The following PXDN variants were observed in gnomAD, a reference collection of about 807,000 sequenced individuals.
PXDN encodes peroxidasin homolog.
PXDN carries 77 observed loss-of-function variants against 140.3 expected under a neutral mutation model. The observed-to-expected ratio is 0.55, with a 90% CI of 0.46 to 0.66. The LOEUF is 0.66. PXDN is among the 30% of genes least tolerant of loss of function. The pLI, the probability that PXDN is intolerant of heterozygous loss-of-function variation, is 0.00. For synonymous variants in PXDN, 911 were observed against 857.4 expected, an observed-to-expected ratio of 1.06 and a Z score of -1.09; for missense variants, 1,838 against 2,039.5, an observed-to-expected ratio of 0.90 and a Z score of 1.90.
chr2:1,665,506 G>A (rs1477497), intron 10 of PXDN, among the ~76,000 whole-genome samples: 3,425 of 152,290 alleles, frequency 0.022, 59 homozygotes, highest in Middle Eastern at 0.044. Flanking sequence ...TTACAGAATA[G>A]TATTGTCTGG....
At chr2:1,640,936 A>C (rs541389909) in intron 19 of PXDN, among the ~76,000 whole-genome samples, 1 of 152,278 alleles carries the variant, frequency 6.6e-6, no homozygotes, top group South Asian at 2.1e-4. Context: ...CCGTCCCTCC[A>C]GGATGGCCGT....
At chr2:1,728,184 C>T (rs146094723) in intron 1 of PXDN, among the ~76,000 whole-genome samples, 22 of 152,306 alleles carry the variant, frequency 1.4e-4, no homozygotes, top group African/African-American at 5.1e-4. Flanking sequence ...GAGATCCATC[C>T]GCCTCAGCCT....
At chr2:1,684,021 G>T in intron 5 of PXDN, 59 bp downstream of exon 5, 1 of 1,460,660 alleles carries the variant, frequency 6.8e-7, no homozygotes. Flanking sequence ...ATCTAACCAA[G>T]CCAGTGACTG....
rs968765099 is a variant in PXDN, at chr2:1,633,384, G to A, written c.*820C>T. ...GATGAAGGAGGTTTTTTCACATTTG[G>A]TTCACAACTAGGCAGTATGTGTGCA... On this transcript the variant is annotated 3_prime_UTR_variant, in exon 23 of 23. Coordinates refer to ENST00000252804, the MANE Select transcript of PXDN (RefSeq NM_012293.3). 1 of 151,884 alleles carries A rather than the reference G, an allele frequency of 6.6e-6. No individual in the cohort carries two copies. The highest frequency in any genetic ancestry group is 2.4e-5 in the African/African-American group (1 of 41,360). The allele number at this position is 151,884 out of a possible 1,614,324, so 9.4% of individuals were successfully genotyped here.
intron 3 of PXDN, among the ~76,000 whole-genome samples, chr2:1,690,265 G>A (rs934537332): frequency 2.0e-5 from 3 of 152,170 alleles, no homozygotes; most frequent in Admixed American, 6.5e-5. Context: ...CCACTGGCCT[G>A]TGCTTCTTCC....
chr2:1,678,952 C>G (rs1011460776), intron 7 of PXDN, among the ~76,000 whole-genome samples: 1 of 152,106 alleles, frequency 6.6e-6, no homozygotes, highest in Non-Finnish European at 1.5e-5. Context: ...TTCTAACTGC[C>G]CCTGACATAG....
intron 1 of PXDN, among the ~76,000 whole-genome samples, chr2:1,711,186 C>CCA (rs1558521136): frequency 4.1e-5 from 4 of 96,654 alleles, no homozygotes; most frequent in Admixed American, 1.1e-4. Flanking sequence ...CCACCAGCAC[C>CCA]CGCTCCACCA....
chr2:1,640,569 A>C (rs1321850370), intron 19 of PXDN, among the ~76,000 whole-genome samples: 1 of 152,236 alleles, frequency 6.6e-6, no homozygotes, highest in Non-Finnish European at 1.5e-5. Context: ...TTATTTCCGC[A>C]GTTAACTATA....
At chr2:1,693,425 C>T (rs1282753436) in intron 1 of PXDN, among the ~76,000 whole-genome samples, 2 of 152,140 alleles carry the variant, frequency 1.3e-5, no homozygotes, top group African/African-American at 2.4e-5. Flanking sequence ...TGGAAAATGT[C>T]GTGTCGATAA....
At chr2:1,647,059 T>C (rs969503703) in intron 17 of PXDN, among the ~76,000 whole-genome samples, 3 of 152,096 alleles carry the variant, frequency 2.0e-5, no homozygotes, top group African/African-American at 7.2e-5. Context: ...CACGCCCAGC[T>C]AATTTTTGTA....
intron 21 of PXDN, 53 bp downstream of exon 21, chr2:1,638,793 T>C (rs768415039): frequency 1.4e-5 from 22 of 1,611,538 alleles, no homozygotes; most frequent in Middle Eastern, 3.4e-4. Flanking sequence ...CGGGCAGGGC[T>C]GTGCTGCTGT....
At chr2:1,634,790 T>C (rs1682506033) in intron 22 of PXDN, among the ~76,000 whole-genome samples, 1 of 152,128 alleles carries the variant, frequency 6.6e-6, no homozygotes, top group Non-Finnish European at 1.5e-5. Flanking sequence ...ATGCGCGTCC[T>C]CTCCCAATGG....
chr2:1,744,789 C>T (rs1371588413), upstream of PXDN: 5 of 221,948 alleles, frequency 2.3e-5, no homozygotes, highest in Admixed American at 5.8e-5. Flanking sequence ...CGCGAAGCTT[C>T]TCCACTTCTC....
rs1329725985 is a variant in PXDN at position 1,669,837 on chromosome 2, A to AATAC, written c.1019-3352_1019-3351insGTAT. 5.9e-5 allele frequency: 9 copies of AATAC among 152,072 alleles called. No homozygotes were observed. The East Asian group carries it at 1.7e-3, about 29-fold the overall frequency. The allele number at this position is 152,072 out of a possible 1,614,324, so 9.4% of individuals were successfully genotyped here. On this transcript the variant is annotated intron_variant, in intron 9 of 22. Coordinates refer to ENST00000252804, the MANE Select transcript of PXDN (RefSeq NM_012293.3). ...CTGGGCAACAGCGAGACTCTGTCTAAATAAATAAATAAATAAATAATTTTT... is the reference window on the plus strand; with the variant it reads ...CTGGGCAACAGCGAGACTCTGTCTAAATACATAAATAAATAAATAAATAATTTTT...
chr2:1,647,157 G>C, intron 17 of PXDN, among the ~76,000 whole-genome samples: 1 of 151,124 alleles, frequency 6.6e-6, no homozygotes, highest in Non-Finnish European at 1.5e-5. Context: ...GCCTCCCAAA[G>C]TGCTGGGATT....
Position 1,644,656 on chromosome 2 carries a change from A to G in PXDN, c.3705T>C (p.Leu1235=). 1 of 1,608,454 alleles carries G rather than the reference A, an allele frequency of 6.2e-7. No individual in the cohort carries two copies. The highest frequency in any genetic ancestry group is 8.5e-7 in the Non-Finnish European group (1 of 1,176,284). The change falls in exon 18 of 23, where the codon CTT becomes CTC. Residue 1235 remains leucine (L), a synonymous_variant. Transcript: ENST00000252804. ...GSRLGPTLMC[L]LSTQFKRLRD... ...GCAGGCGCTTGAACTGTGTGCTGAG[A>G]AGACACATCAGGGTGGGGCCCAGCC...
intron 7 of PXDN, among the ~76,000 whole-genome samples, chr2:1,679,576 GTGGA>G (rs1683821602): frequency 6.8e-6 from 1 of 146,866 alleles, no homozygotes. Context: ...AATGGTGTGT[GTGGA>G]TGGTGTGTGC....
chr2:1,707,981 C>A (rs1264560125), intron 1 of PXDN, among the ~76,000 whole-genome samples: 1 of 152,252 alleles, frequency 6.6e-6, no homozygotes, highest in Non-Finnish European at 1.5e-5. Context: ...CGCAGGCAAT[C>A]CTCAGCGGAG....
intron 1 of PXDN, among the ~76,000 whole-genome samples, chr2:1,711,951 C>T (rs1684796857): frequency 6.6e-6 from 1 of 152,218 alleles, no homozygotes. Context: ...ACCAGCGGCT[C>T]CCATCTCAGC....
Sources: gnomAD v4.1 joint callset for allele counts (sites outside exome capture counted in the v4.1 genomes callset) on GRCh38, gnomAD v4.1.1 for gene constraint, MANE v1.5 for transcripts, NCBI Gene and HGNC (gene_info 2026-07-23, HGNC 2026-07-21) for gene names.